Variants in GPRASP3 observed in about 807,000 individuals in gnomAD.
GPRASP3 encodes G protein-coupled receptor associated sorting protein 3.
the GPRASP3 span, chrX:102,752,739 A>C: frequency 2.4e-5 from 3 of 122,657 alleles, no homozygotes; most frequent in African/African-American, 9.8e-5. Flanking sequence ...CCATAACCAC[A>C]ATCAAAATTG....
the GPRASP3 span, chrX:102,749,578 A>C: frequency 8.3e-7 from 1 of 1,211,763 alleles, no homozygotes; most frequent in South Asian, 1.8e-5. Flanking sequence ...ACCTGTGAGC[A>C]GGATAGTTAA....
the GPRASP3 span, among the ~76,000 whole-genome samples, chrX:102,739,957 A>G: frequency 8.9e-6 from 1 of 112,518 alleles, no homozygotes; most frequent in East Asian, 2.8e-4. Context: ...GTGAAAGCAA[A>G]GAAGCAGACT....
At chrX:102,739,368 A>C in the GPRASP3 span, among the ~76,000 whole-genome samples, 1 of 111,433 alleles carries the variant, frequency 9.0e-6, no homozygotes, top group Non-Finnish European at 1.9e-5. Flanking sequence ...ATGACCTTGA[A>C]GGTCTTGATG....
chrX:102,735,366 CCTTTAA>C, the GPRASP3 span, among the ~76,000 whole-genome samples: 1 of 110,911 alleles, frequency 9.0e-6, no homozygotes, highest in African/African-American at 3.3e-5. Flanking sequence ...GTATAATACC[CCTTTAA>C]CTTTAGCCAA....
chrX:102,750,023 T>C, the GPRASP3 span: 2 of 1,198,191 alleles, frequency 1.7e-6, no homozygotes, highest in Non-Finnish European at 2.2e-6. Flanking sequence ...ATTCATAAAA[T>C]AGCACGGATT....
chrX:102,739,817 G>C, the GPRASP3 span, among the ~76,000 whole-genome samples: 1 of 111,933 alleles, frequency 8.9e-6, no homozygotes, highest in Non-Finnish European at 1.9e-5. Flanking sequence ...ACCCGAGATA[G>C]TAAAAACAAA....
the GPRASP3 span, among the ~76,000 whole-genome samples, chrX:102,726,832 T>C: frequency 8.9e-6 from 1 of 112,827 alleles, no homozygotes; most frequent in Non-Finnish European, 1.9e-5. Context: ...CTTAAGTATT[T>C]AATGTACCTC....
the GPRASP3 span, chrX:102,750,607 A>G: frequency 8.5e-7 from 1 of 1,175,757 alleles, no homozygotes; most frequent in East Asian, 3.0e-5. Context: ...GGCCATTTTC[A>G]GGGAAGTTAA....
the GPRASP3 span, among the ~76,000 whole-genome samples, chrX:102,731,560 G>A: frequency 9.1e-6 from 1 of 110,395 alleles, no homozygotes; most frequent in Non-Finnish European, 1.9e-5. Flanking sequence ...AACCCGGGAA[G>A]CGGAGGTTGC....
At chrX:102,728,444 A>G in the GPRASP3 span, among the ~76,000 whole-genome samples, 2 of 110,944 alleles carry the variant, frequency 1.8e-5, no homozygotes, top group Non-Finnish European at 3.8e-5. Flanking sequence ...AGGGAGCCCC[A>G]TAAATTTCCT....
the GPRASP3 span, among the ~76,000 whole-genome samples, chrX:102,746,695 T>C: frequency 0.011 from 1,250 of 112,820 alleles, 25 homozygotes; most frequent in African/African-American, 0.038. Context: ...AGGTGGTTGT[T>C]AAAGTCTCCT....
the GPRASP3 span, among the ~76,000 whole-genome samples, chrX:102,737,309 C>A: frequency 1.3e-4 from 15 of 111,936 alleles, no homozygotes; most frequent in Non-Finnish European, 2.8e-4. Context: ...TTGAACTTTA[C>A]CAAAAGTAAC....
the GPRASP3 span, among the ~76,000 whole-genome samples, chrX:102,724,413 G>C: frequency 9.0e-6 from 1 of 111,440 alleles, no homozygotes; most frequent in Non-Finnish European, 1.9e-5. Context: ...GAAAAAAGCA[G>C]TCTGTTTTTG....
chrX:102,736,300 T>A, the GPRASP3 span, among the ~76,000 whole-genome samples: 7 of 112,448 alleles, frequency 6.2e-5, no homozygotes, highest in African/African-American at 2.3e-4. Flanking sequence ...CAGTTTAAAT[T>A]TTCTGACAAT....
the GPRASP3 span, among the ~76,000 whole-genome samples, chrX:102,728,214 C>T: frequency 6.3e-5 from 7 of 111,323 alleles, no homozygotes; most frequent in African/African-American, 2.3e-4. Flanking sequence ...ATATATTTTT[C>T]AATTTTTAAA....
the GPRASP3 span, chrX:102,750,029 G>A: frequency 2.6e-5 from 31 of 1,197,358 alleles, no homozygotes; most frequent in Middle Eastern, 2.3e-4. Context: ...AAAATAGCAC[G>A]GATTGCAATG....
At chrX:102,747,628 G>T in the GPRASP3 span, 1 of 112,317 alleles carries the variant, frequency 8.9e-6, no homozygotes, top group Non-Finnish European at 1.9e-5. Context: ...TGACTTCAAA[G>T]TTGGCAGGAG....
At chrX:102,748,116 G>T in the GPRASP3 span, among the ~76,000 whole-genome samples, 1 of 111,757 alleles carries the variant, frequency 8.9e-6, no homozygotes, top group African/African-American at 3.3e-5. Flanking sequence ...GAAATGGGAA[G>T]ATAAGCCACA....
At chrX:102,745,453 C>T in the GPRASP3 span, among the ~76,000 whole-genome samples, 2 of 111,207 alleles carry the variant, frequency 1.8e-5, no homozygotes, top group Non-Finnish European at 1.9e-5. Context: ...GTACCTTCCT[C>T]CCCTGCGTGG....
Sources: gnomAD v4.1 joint callset for allele counts (sites outside exome capture counted in the v4.1 genomes callset) on GRCh38, gnomAD v4.1.1 for gene constraint, MANE v1.5 for transcripts, NCBI Gene and HGNC (gene_info 2026-07-23, HGNC 2026-07-21) for gene names.